The following ABCA12 variants were observed in gnomAD, a reference collection of about 807,000 sequenced individuals.
ABCA12 encodes glucosylceramide transporter ABCA12.
ABCA12 carries 156 observed loss-of-function variants against 293.5 expected under a neutral mutation model. The ratio of observed to expected loss-of-function variants is 0.53; its 90% CI spans 0.47 to 0.61. ABCA12 has a LOEUF of 0.61. ABCA12 is among the 20% of genes least tolerant of loss of function. ABCA12 has a pLI of 0.00. For synonymous variants in ABCA12, 1,063 were observed against 1,108.0 expected (o/e 0.96, Z 0.81); for missense variants, 2,797 against 3,090.2 (o/e 0.91, Z 2.25).
Position 214,950,991 on chromosome 2 carries a change from C to T in ABCA12, c.6740G>A (p.Gly2247Asp). 1 of 1,614,088 alleles carries T rather than the reference C, an allele frequency of 6.2e-7. No homozygotes were observed. Among genetic ancestry groups the T allele is most frequent in the South Asian group, 1.1e-5 (1 of 91,072 alleles). ...TTGGACCAAGTCAAATTCAGCTGCA[C>T]CACTCTCAACTCTTAATCTCTCAGC... ...VRAERLRVES[G>D]AAEFDLVQLY... The change falls in exon 45 of 53, where the codon GGT (glycine) becomes GAT (aspartate). Residue 2247 changes from glycine (G) to aspartate (D), a missense_variant. By Grantham distance (94) the Gly-to-Asp change is moderately conservative. Transcript: ENST00000272895.
At position 214,932,006 on chromosome 2, in the gene ABCA12, T is replaced by C. The variant is rs896963906; in HGVS notation, c.*628A>G. ...AGGTTCCGTGTACCACCAGGGTAAA[T>C]TGCCCTCTCTATTGCAGTCCTTATG... On this transcript the variant is annotated 3_prime_UTR_variant, in exon 53 of 53. Transcript: ENST00000272895. 2 of 152,924 alleles carry C rather than the reference T, an allele frequency of 1.3e-5. No individual in the cohort carries two copies. Among genetic ancestry groups the C allele is most frequent in the African/African-American group, 4.8e-5 (2 of 41,366 alleles). The allele number at this position is 152,924 out of a possible 1,614,324, so 9.5% of individuals were successfully genotyped here.
At position 215,001,711 on chromosome 2, in the gene ABCA12, T is replaced by A; in HGVS notation, c.2710A>T (p.Asn904Tyr). ...TTAAGCTGATCGATGATGTCAATGTTGTTCTCTAATTTCAGTCTTAGAATA... is the reference window on the plus strand; with the variant it reads ...TTAAGCTGATCGATGATGTCAATGTAGTTCTCTAATTTCAGTCTTAGAATA... ...LDILRLKLEN[N>Y]IDIIDQLNTL... Residue 904 changes from asparagine (N) to tyrosine (Y), a missense_variant, in exon 21 of 53, where the codon AAC (asparagine) becomes TAC (tyrosine). Around this residue, in one of 3 missense-constraint regions of ABCA12, gnomAD observed 2,130 missense variants for 2,427.0 expected, o/e 0.88. Coordinates refer to ENST00000272895, the MANE Select transcript of ABCA12 (RefSeq NM_173076.3). 1 of 1,613,476 alleles carries A rather than the reference T, an allele frequency of 6.2e-7. No individual in the cohort carries two copies. The highest frequency in any genetic ancestry group is 1.1e-5 in the South Asian group (1 of 91,050).
intron 35 of ABCA12, 135 bp downstream of exon 35, chr2:214,974,643 A>G: frequency 1.2e-6 from 1 of 837,794 alleles, no homozygotes; most frequent in Non-Finnish European, 2.0e-6. Flanking sequence ...AGATAGACAA[A>G]ATCTGTTAAA....
Position 214,945,092 on chromosome 2 carries a change from A to T in ABCA12, c.7252T>A (p.Ser2418Thr), listed in dbSNP as rs1168739264. ...CGTTTCGACTTCGGATCCATGCCAG[A>T]GCTCGGCTCATCCTTAATAGAAAGT... is the stretch of plus-strand genomic sequence containing the variant. ...PSILLLDEPSSGMDPKSKRHL... is the reference protein window; with the variant it reads ...PSILLLDEPSTGMDPKSKRHL... Residue 2418 changes from serine to threonine, a missense_variant, in exon 49 of 53, where the codon TCT becomes ACT. By Grantham distance (58) the Ser-to-Thr change is moderately conservative. Transcript: ENST00000272895. 6.2e-7 allele frequency: 1 copy of T among 1,613,422 alleles called. No homozygotes were observed. Among genetic ancestry groups the T allele is most frequent in the South Asian group, 1.1e-5 (1 of 91,020 alleles).
At chr2:214,949,369 T>TACACAC (rs1476383736) in intron 45 of ABCA12, among the ~76,000 whole-genome samples, 42 of 143,510 alleles carry the variant, frequency 2.9e-4, no homozygotes, top group African/African-American at 1.2e-3. Context: ...TATATATATA[T>TACACAC]ATATATATAC....
At chr2:214,944,873 GTA>G (rs10633768) in intron 49 of ABCA12, 126 bp downstream of exon 49, 3,062 of 604,344 alleles carry the variant, frequency 5.1e-3, no homozygotes, top group Middle Eastern at 7.7e-3. Flanking sequence ...TTGTATGTGT[GTA>G]TATATATATA....
At chr2:215,132,733 G>A (rs1003981733) in intron 1 of ABCA12, among the ~76,000 whole-genome samples, 2 of 151,982 alleles carry the variant, frequency 1.3e-5, no homozygotes, top group Non-Finnish European at 2.9e-5. Context: ...AGGCATTTAT[G>A]TTAAAAGTTA....
In ABCA12 at chr2:215,032,117, G is replaced by A. The variant is rs115521071; in HGVS notation, c.986-221C>T. On this transcript the variant is annotated intron_variant, in intron 8 of 52. Coordinates refer to ENST00000272895, the MANE Select transcript of ABCA12 (RefSeq NM_173076.3). ...CCTACTGATCAAAATAATCCCGATG[G>A]TCAAGCATATGCATTTCTAACAAGT... 1,807 of 1,402,532 alleles carry A rather than the reference G, an allele frequency of 1.3e-3. 22 individuals carry two copies. In the African/African-American group the frequency reaches 0.021, roughly 17 times the overall value. The allele number at this position is 1,402,532 out of a possible 1,614,324, so 86.9% of individuals were successfully genotyped here.
At chr2:214,986,318 T>C (rs902705587) in intron 28 of ABCA12, among the ~76,000 whole-genome samples, 7 of 152,210 alleles carry the variant, frequency 4.6e-5, no homozygotes, top group African/African-American at 1.7e-4. Flanking sequence ...TTATTTTTAT[T>C]AGAAACTCCC....
chr2:215,056,770 A>G (rs1348508157), intron 3 of ABCA12, among the ~76,000 whole-genome samples: 2 of 152,050 alleles, frequency 1.3e-5, no homozygotes, highest in African/African-American at 4.8e-5. Flanking sequence ...CCCCCAAACA[A>G]AGGTAATTAA....
At chr2:215,021,647 C>T (rs1700633851) in intron 11 of ABCA12, among the ~76,000 whole-genome samples, 1 of 152,140 alleles carries the variant, frequency 6.6e-6, no homozygotes, top group African/African-American at 2.4e-5. Flanking sequence ...CATTGCAGCT[C>T]AGTTTCTAAT....
At chr2:215,124,491 C>T (rs1474492058) in intron 1 of ABCA12, among the ~76,000 whole-genome samples, 1 of 152,122 alleles carries the variant, frequency 6.6e-6, no homozygotes, top group Non-Finnish European at 1.5e-5. Flanking sequence ...TTGATTATGA[C>T]CATTCTTGCA....
intron 19 of ABCA12, 63 bp from the exon 20 acceptor site, chr2:215,004,362 C>T: frequency 1.6e-6 from 2 of 1,239,142 alleles, no homozygotes; most frequent in Non-Finnish European, 2.3e-6. Context: ...CATTGTCTCT[C>T]TAATAACCAC....
rs1701008455 is a variant in ABCA12 at position 215,036,996 on chromosome 2, C to T, written c.942G>A (p.Lys314=). Residue 314 remains lysine (K), a synonymous_variant, in exon 8 of 53, where the codon AAG becomes AAA. Coordinates refer to ENST00000272895, the MANE Select transcript of ABCA12 (RefSeq NM_173076.3). The stretch of plus-strand genomic sequence containing the variant: ...GAGTGTACAGCAGATGTTTAACAGA[C>T]TTCTGGAGGGTTCTGAAACCTTCGT... The part of the protein sequence containing the change: ...ATNEGFRTLQ[K]SVKHLLYTLD... 3 of 1,613,938 alleles carry T rather than the reference C, an allele frequency of 1.9e-6. No individual in the cohort carries two copies. Among genetic ancestry groups the T allele is most frequent in the Non-Finnish European group, 2.5e-6 (3 of 1,179,896 alleles).
intron 8 of ABCA12, among the ~76,000 whole-genome samples, chr2:215,036,069 G>A (rs73072637): frequency 0.024 from 3,656 of 152,038 alleles, 154 homozygotes; most frequent in African/African-American, 0.083. Context: ...TTTTCTAATG[G>A]ACGTCAAGAC....
chr2:215,052,615 C>T (rs769324681), intron 4 of ABCA12, 31 bp from the exon 5 acceptor site: 45 of 1,497,746 alleles, frequency 3.0e-5, no homozygotes, highest in Non-Finnish European at 3.8e-5. Flanking sequence ...GATTAGCATT[C>T]CACACACACA....
intron 2 of ABCA12, among the ~76,000 whole-genome samples, chr2:215,107,499 A>G (rs1702487263): frequency 1.3e-5 from 2 of 152,172 alleles, no homozygotes; most frequent in Non-Finnish European, 2.9e-5. Context: ...TTCACCTGGG[A>G]TTTATTCTTT....
intron 8 of ABCA12, among the ~76,000 whole-genome samples, chr2:215,033,872 T>C (rs192846056): frequency 5.0e-4 from 76 of 151,132 alleles, no homozygotes; most frequent in Admixed American, 2.0e-3. Flanking sequence ...ACCCGGGAGG[T>C]GGAGCTTGCA....
At chr2:214,934,647 G>C (rs1250343417) in intron 51 of ABCA12, among the ~76,000 whole-genome samples, 1 of 152,106 alleles carries the variant, frequency 6.6e-6, no homozygotes, top group African/African-American at 2.4e-5. Flanking sequence ...AAAGACAGTA[G>C]ACTTCAAAAG....
Sources: gnomAD v4.1 joint callset for allele counts (sites outside exome capture counted in the v4.1 genomes callset) on GRCh38, gnomAD v4.1.1 for gene constraint, gnomAD v4.1.1 regional missense constraint, MANE v1.5 for transcripts, NCBI Gene and HGNC (gene_info 2026-07-23, HGNC 2026-07-21) for gene names.